Variants in ARL15 observed in about 807,000 individuals in gnomAD.
ARL15 encodes the protein ARF like GTPase 15.
In ARL15, 19 loss-of-function variants were observed where a neutral mutation model predicts 25.2. The ratio of observed to expected loss-of-function variants is 0.75; its 90% CI spans 0.53 to 1.10. The LOEUF is 1.10. Ranked by LOEUF, ARL15 falls within the 50% of genes least tolerant of loss-of-function variation. The probability of loss-of-function intolerance (pLI) is 0.00; values close to 1 mark genes in which losing one functional copy is unlikely to be tolerated. For synonymous variants in ARL15, 94 were observed against 86.8 expected (o/e 1.08, Z -0.46); for missense variants, 220 against 246.0 (o/e 0.89, Z 0.71).
intron 3 of ARL15, among the ~76,000 whole-genome samples, chr5:54,132,852 G>A (rs918420704): frequency 2.0e-4 from 31 of 152,094 alleles, no homozygotes; most frequent in Non-Finnish European, 5.9e-5. Context: ...GTTTTAGCCG[G>A]CTTCTTTACT....
chr5:54,295,396 T>C (rs1197851490), intron 1 of ARL15, among the ~76,000 whole-genome samples: 1 of 151,990 alleles, frequency 6.6e-6, no homozygotes, highest in Non-Finnish European at 1.5e-5. Context: ...TGCACAAAAA[T>C]TGCAGCCTAC....
chr5:54,202,523 G>T (rs180831916), intron 1 of ARL15, among the ~76,000 whole-genome samples: 121 of 152,212 alleles, frequency 7.9e-4, no homozygotes, highest in Admixed American at 3.8e-3. Flanking sequence ...GGCAAGAAAA[G>T]GGAATCTCCT....
At chr5:54,233,595 T>C (rs931680243) in intron 1 of ARL15, among the ~76,000 whole-genome samples, 5 of 151,884 alleles carry the variant, frequency 3.3e-5, no homozygotes, top group African/African-American at 1.2e-4. Context: ...AGCAAAAGAG[T>C]CTTTCAAGGT....
In ARL15 at chr5:54,008,819, G is replaced by A. The variant is rs531334370; in HGVS notation, c.462+104383C>T. Among the ~76,000 whole-genome samples, 365 of 152,244 alleles carry A rather than the reference G, an allele frequency of 2.4e-3. 1 individual carries two copies. The highest frequency in any genetic ancestry group is 3.9e-3 in the Admixed American group (60 of 15,284). ...CTTCTTTCCTCTGGTAGATTAAAAT[G>A]TTAATACTTACGTTAATAAGATAAA... On this transcript the variant is annotated intron_variant, in intron 4 of 4. Transcript: ENST00000504924.
chr5:53,889,996 A>G (rs1013684192), intron 4 of ARL15, among the ~76,000 whole-genome samples: 1 of 152,116 alleles, frequency 6.6e-6, no homozygotes, highest in African/African-American at 2.4e-5. Flanking sequence ...TATTTTTAGT[A>G]GAGACAGAAT....
chr5:54,264,662 T>C (rs1266567905), intron 1 of ARL15, among the ~76,000 whole-genome samples: 3 of 152,122 alleles, frequency 2.0e-5, no homozygotes, highest in African/African-American at 7.2e-5. Flanking sequence ...AAACACAGAA[T>C]TGCTCCTGTC....
intron 1 of ARL15, among the ~76,000 whole-genome samples, chr5:54,283,130 C>T (rs1402325644): frequency 6.6e-6 from 1 of 152,176 alleles, no homozygotes. Flanking sequence ...ACGGTTTTAT[C>T]CATTGTGGCA....
At chr5:53,906,829 A>C (rs1388505636) in intron 4 of ARL15, among the ~76,000 whole-genome samples, 1 of 152,220 alleles carries the variant, frequency 6.6e-6, no homozygotes, top group African/African-American at 2.4e-5. Flanking sequence ...CAAAGCATAA[A>C]AAGCTCTCTG....
chr5:54,210,682 A>G (rs1421517148), intron 1 of ARL15, among the ~76,000 whole-genome samples: 2 of 152,218 alleles, frequency 1.3e-5, no homozygotes, highest in African/African-American at 4.8e-5. Flanking sequence ...GTTTTGTTGC[A>G]GTTGTTGCTG....
In ARL15 at chr5:53,972,342, A is replaced by G. The variant is rs372693328; in HGVS notation, c.463-85629T>C. On this transcript the variant is annotated intron_variant, in intron 4 of 4. Coordinates refer to ENST00000504924, the MANE Select transcript of ARL15 (RefSeq NM_019087.3). ...TTTTGGATCATATTTTCAATACCAC[A>G]ATTATTTTCATTATTTTAGTTTGTT... Among the ~76,000 whole-genome samples the G allele has an allele frequency of 9.0e-4, 137 of 152,296 alleles. 2 individuals are homozygous for G. Among genetic ancestry groups the G allele is most frequent in the African/African-American group, 3.1e-3 (129 of 41,584 alleles).
chr5:53,905,775 A>G (rs1424303741), intron 4 of ARL15, among the ~76,000 whole-genome samples: 2 of 152,212 alleles, frequency 1.3e-5, no homozygotes, highest in Admixed American at 1.3e-4. Context: ...CTGACAAATG[A>G]TAGCTTGTAC....
chr5:54,005,522 G>A (rs1748999974), intron 4 of ARL15, among the ~76,000 whole-genome samples: 1 of 151,992 alleles, frequency 6.6e-6, no homozygotes, highest in African/African-American at 2.4e-5. Flanking sequence ...AGGAGATCAG[G>A]AGTTCAAGAC....
chr5:54,144,547 C>T (rs2112320684), intron 3 of ARL15, among the ~76,000 whole-genome samples: 1 of 152,202 alleles, frequency 6.6e-6, no homozygotes, highest in Non-Finnish European at 1.5e-5. Context: ...ACTCTATTAC[C>T]TCTAGGTCCT....
intron 4 of ARL15, among the ~76,000 whole-genome samples, chr5:53,969,728 T>C (rs534873508): frequency 2.0e-5 from 3 of 152,216 alleles, no homozygotes; most frequent in Middle Eastern, 3.4e-3. Flanking sequence ...ATTTTGTGAG[T>C]TGACAATTTT....
chr5:54,073,079 G>A (rs1306924553), intron 4 of ARL15, among the ~76,000 whole-genome samples: 7 of 152,142 alleles, frequency 4.6e-5, no homozygotes. Flanking sequence ...TCAAGTCAGT[G>A]ATATTTCAAA....
At chr5:54,018,570 T>A (rs765999314) in intron 4 of ARL15, among the ~76,000 whole-genome samples, 6 of 152,238 alleles carry the variant, frequency 3.9e-5, no homozygotes, top group African/African-American at 1.4e-4. Flanking sequence ...TGCACCGTGA[T>A]CTGGGAAAAG....
intron 4 of ARL15, among the ~76,000 whole-genome samples, chr5:54,013,323 T>A (rs1749305387): frequency 2.0e-5 from 3 of 152,232 alleles, no homozygotes; most frequent in South Asian, 4.1e-4. Context: ...AAGTCTAGCA[T>A]GACTGATTCC....
rs376470647 is a variant in ARL15 at position 54,137,223 on chromosome 5, T to C, written c.253+17357A>G. 3.7e-4 allele frequency among the ~76,000 whole-genome samples: 56 copies of C among 152,224 alleles called. No homozygotes were observed. In the South Asian group the frequency reaches 0.011, roughly 30 times the overall value. ...TTTTCCAGTCCCAAAGCAGGTTTCA[T>C]ATGGTCAGCACATGGGCCAAATGAT... is the stretch of plus-strand genomic sequence containing the variant. On this transcript the variant is annotated intron_variant, in intron 3 of 4. Coordinates refer to ENST00000504924, the MANE Select transcript of ARL15 (RefSeq NM_019087.3).
rs193247211 is a variant in ARL15 at position 53,916,414 on chromosome 5, T to G, written c.463-29701A>C. Reference sequence around the variant, plus strand: ...CCAATTGGGTATGATATTTACTACCTGGGTGACAAAATGATTTGTACACCA... The same window carrying G: ...CCAATTGGGTATGATATTTACTACCGGGGTGACAAAATGATTTGTACACCA... On this transcript the variant is annotated intron_variant, in intron 4 of 4. Coordinates refer to ENST00000504924, the MANE Select transcript of ARL15 (RefSeq NM_019087.3). 8.1e-5 allele frequency among the ~76,000 whole-genome samples: 12 copies of G among 147,420 alleles called. No individual in the cohort carries two copies. The East Asian group carries it at 1.8e-3, about 22-fold the overall frequency.
Sources: allele counts gnomAD v4.1 joint callset (sites outside exome capture counted in the v4.1 genomes callset), GRCh38; gene constraint gnomAD v4.1.1; transcripts MANE v1.5; gene names NCBI Gene and HGNC (gene_info 2026-07-23, HGNC 2026-07-21).